The following PRDM14 variants were observed in gnomAD, a reference collection of about 807,000 sequenced individuals.
PRDM14 encodes PR domain zinc finger protein 14.
Under a neutral mutation model 48.0 loss-of-function variants are expected in PRDM14, and 16 were observed. The ratio of observed to expected loss-of-function variants is 0.33; its 90% confidence interval spans 0.23 to 0.51. The LOEUF (loss-of-function observed/expected upper bound fraction) is 0.51. Ranked by LOEUF, PRDM14 falls within the 20% of genes least tolerant of loss-of-function variation. PRDM14 has a pLI of 0.97. For missense variants in PRDM14, 566 were observed against 719.6 expected (o/e 0.79, Z 2.44); for synonymous variants, 264 against 276.6 (o/e 0.95, Z 0.45).
chr8:70,067,856 G>A (rs555428715), intron 4 of PRDM14, among the ~76,000 whole-genome samples: 1 of 151,956 alleles, frequency 6.6e-6, no homozygotes, highest in Non-Finnish European at 1.5e-5. Flanking sequence ...TTTTATAGGT[G>A]AATAATATTG....
intron 6 of PRDM14, 112 bp from the exon 7 acceptor site, chr8:70,055,513 T>C (rs1422636032): frequency 1.9e-6 from 1 of 536,526 alleles, no homozygotes; most frequent in South Asian, 2.2e-5. Context: ...TTTTTTCTTT[T>C]TTTTTTTTTT....
chr8:70,057,051 C>T (rs1324543349), intron 6 of PRDM14, among the ~76,000 whole-genome samples: 4 of 151,452 alleles, frequency 2.6e-5, no homozygotes, highest in African/African-American at 7.3e-5. Flanking sequence ...CTGCAAGCTC[C>T]GCCTCCCAGG....
intron 7 of PRDM14, among the ~76,000 whole-genome samples, chr8:70,052,814 GT>G (rs1319083409): frequency 7.8e-6 from 1 of 129,016 alleles, no homozygotes; most frequent in Admixed American, 9.3e-5. Flanking sequence ...GCAGTAAGCC[GT>G]TATTGCACCA....
chr8:70,056,816 CAAAA>C (rs761330044), intron 6 of PRDM14, among the ~76,000 whole-genome samples: 2 of 75,380 alleles, frequency 2.7e-5, no homozygotes, highest in Admixed American at 1.7e-4. Context: ...GAGACTGTCT[CAAAA>C]AAAAAAAAAA....
At chr8:70,058,235 C>T (rs1018683300) in intron 6 of PRDM14, among the ~76,000 whole-genome samples, 12 of 152,316 alleles carry the variant, frequency 7.9e-5, no homozygotes, top group African/African-American at 2.9e-4. Flanking sequence ...GAACAAGGCG[C>T]AGTTCCCCAG....
rs756292478 is a variant in PRDM14, at chr8:70,058,620, T to C, written c.1386+20A>G. On this transcript the variant is annotated intron_variant, in intron 6 of 7. Coordinates refer to ENST00000276594, the MANE Select transcript of PRDM14 (RefSeq NM_024504.4). Reference sequence around the variant, plus strand: ...GGAGAGAGAACGTGATGGTGGGTCATGTGTCCTCCTAATACTCACCTTGTG... The same window carrying C: ...GGAGAGAGAACGTGATGGTGGGTCACGTGTCCTCCTAATACTCACCTTGTG... 3.7e-6 allele frequency: 6 copies of C among 1,607,438 alleles called. No individual in the cohort carries two copies. In the South Asian group the frequency reaches 5.5e-5, roughly 15 times the overall value.
At chr8:70,058,600 G>C (rs1275881959) in intron 6 of PRDM14, 40 bp downstream of exon 6, 13 of 1,575,622 alleles carry the variant, frequency 8.3e-6, no homozygotes, top group Non-Finnish European at 1.1e-5. Flanking sequence ...GGAAGGGAGA[G>C]AGAACGTGAT....
chr8:70,063,794 G>A (rs1413592650), intron 5 of PRDM14, among the ~76,000 whole-genome samples: 1 of 152,138 alleles, frequency 6.6e-6, no homozygotes. Context: ...AAGTGTTGGG[G>A]TTACAGGTGT....
chr8:70,060,431 T>C (rs1043998090), intron 5 of PRDM14, among the ~76,000 whole-genome samples: 3 of 151,714 alleles, frequency 2.0e-5, no homozygotes, highest in African/African-American at 7.3e-5. Flanking sequence ...CATAATGTCA[T>C]TGTCACATTG....
At chr8:70,065,566 T>C (rs1009488671) in intron 5 of PRDM14, among the ~76,000 whole-genome samples, 39 of 152,086 alleles carry the variant, frequency 2.6e-4, no homozygotes, top group African/African-American at 9.4e-4. Flanking sequence ...ACCAGCATCA[T>C]GAAGATCCCT....
Position 70,066,434 on chromosome 8 carries a change from G to A in PRDM14, c.984C>T (p.Val328=), listed in dbSNP as rs528082689. ...KGGTGNWMSY[V]NCARFPKEQN... The stretch of plus-strand genomic sequence containing the variant: ...GCTCCTTGGGGAAGCGGGCACAGTT[G>A]ACATAGGACATCCAGTTCCCCGTAC... Residue 328 remains valine, a synonymous_variant, in exon 5 of 8, where the codon GTC becomes GTT. Coordinates refer to ENST00000276594, the MANE Select transcript of PRDM14 (RefSeq NM_024504.4). 2 of 1,614,164 alleles carry A rather than the reference G, an allele frequency of 1.2e-6. No homozygotes were observed. Among genetic ancestry groups the A allele is most frequent in the African/African-American group, 2.7e-5 (2 of 75,052 alleles).
intron 4 of PRDM14, among the ~76,000 whole-genome samples, chr8:70,067,727 T>C (rs1415826515): frequency 1.3e-5 from 2 of 152,116 alleles, no homozygotes; most frequent in East Asian, 1.9e-4. Flanking sequence ...AGGTATCTGA[T>C]ACATTCTGAC....
rs1231190391 is a variant in PRDM14, at chr8:70,051,727, CTTGTTTTTACA to C, written c.*339_*349del. On this transcript the variant is annotated 3_prime_UTR_variant, in exon 8 of 8. Transcript: ENST00000276594. ...AAGGAAATAGAGAGAATCCGAATCT[CTTGTTTTTACA>C]TTGTCTCCACACTCTTGAGGGCTAC... is the stretch of plus-strand genomic sequence containing the variant. 5.4e-6 allele frequency: 1 copy of C among 183,518 alleles called. No homozygotes were observed. The highest frequency in any genetic ancestry group is 2.3e-5 in the African/African-American group (1 of 42,782). 11.4% of individuals were successfully genotyped at this position (183,518 alleles called of 1,614,324 possible).
At chr8:70,065,090 G>A (rs952887421) in intron 5 of PRDM14, among the ~76,000 whole-genome samples, 4 of 151,728 alleles carry the variant, frequency 2.6e-5, no homozygotes, top group Non-Finnish European at 5.9e-5. Flanking sequence ...TTTTCACCAC[G>A]TTAGCCAGGA....
At position 70,068,119 on chromosome 8, in the gene PRDM14, G is replaced by T. The variant is rs1805702420; in HGVS notation, c.912+111C>A. ...AACACAAACCACAGATATCTGCCCT[G>T]GATGTCCTCTCTCTCTGACCAGGAC... is the stretch of plus-strand genomic sequence containing the variant. On this transcript the variant is annotated intron_variant, in intron 4 of 7. Transcript: ENST00000276594. 1.2e-5 allele frequency: 15 copies of T among 1,211,984 alleles called. No homozygotes were observed. In the South Asian group the frequency reaches 1.9e-4, roughly 15 times the overall value. The allele number at this position is 1,211,984 out of a possible 1,614,324, so 75.1% of individuals were successfully genotyped here.
chr8:70,069,981 A>G (rs1202266839), intron 1 of PRDM14, 97 bp from the exon 2 acceptor site: 19 of 683,308 alleles, frequency 2.8e-5, no homozygotes, highest in Non-Finnish European at 4.6e-5. Context: ...AGCCAGCCCC[A>G]GATCCAAGGG....
chr8:70,055,447 A>C (rs1368413308), intron 6 of PRDM14, 46 bp from the exon 7 acceptor site: 1 of 1,078,564 alleles, frequency 9.3e-7, no homozygotes, highest in Non-Finnish European at 1.4e-6. Context: ...CCTTCCTCTA[A>C]CAAGTCCATT....
intron 7 of PRDM14, among the ~76,000 whole-genome samples, chr8:70,053,847 A>C (rs1805427967): frequency 6.6e-6 from 1 of 152,234 alleles, no homozygotes; most frequent in Non-Finnish European, 1.5e-5. Context: ...TTACTGTAAA[A>C]AGCGTAAATG....
rs372353443 is a variant in PRDM14, at chr8:70,070,872, G to A, written c.-25+278C>T. Among the ~76,000 whole-genome samples, 78 of 152,270 alleles carry A rather than the reference G, an allele frequency of 5.1e-4. No homozygotes were observed. The East Asian group carries it at 0.012, about 24-fold the overall frequency. Reference sequence around the variant, plus strand: ...GTCTTGAGATCAATGAGCCCAATAAGAAAACCAAGCAGGGTCATGACTCAG... The same window carrying A: ...GTCTTGAGATCAATGAGCCCAATAAAAAAACCAAGCAGGGTCATGACTCAG... On this transcript the variant is annotated intron_variant, in intron 1 of 7. Transcript: ENST00000276594.
Sources: gnomAD v4.1 joint callset for allele counts (sites outside exome capture counted in the v4.1 genomes callset) on GRCh38, gnomAD v4.1.1 for gene constraint, MANE v1.5 for transcripts, NCBI Gene and HGNC (gene_info 2026-07-23, HGNC 2026-07-21) for gene names.